MEOX2: variants seen among roughly 807,000 people sequenced by gnomAD.
MEOX2 encodes mesenchyme homeobox 2, also known as homeobox protein MOX-2.
A neutral mutation model predicts 27.0 loss-of-function variants in MEOX2; 11 were observed. The ratio of observed to expected loss-of-function variants is 0.41; its 90% CI spans 0.26 to 0.68. MEOX2 has a LOEUF of 0.68. MEOX2 is among the 30% of genes least tolerant of loss of function. MEOX2 has a pLI of 0.33. For missense variants in MEOX2, 436 were observed against 385.4 expected (o/e 1.13, Z -1.10); for synonymous variants, 189 against 155.4 (o/e 1.22, Z -1.61).
chr7:15,624,391 T>C (rs1433852485), intron 2 of MEOX2, among the ~76,000 whole-genome samples: 2 of 152,178 alleles, frequency 1.3e-5, no homozygotes, highest in African/African-American at 2.4e-5. Context: ...GATGCTGTGG[T>C]TAGATTATTT....
intron 1 of MEOX2, among the ~76,000 whole-genome samples, chr7:15,674,991 T>C (rs1782169250): frequency 3.0e-5 from 1 of 32,972 alleles, no homozygotes; most frequent in Admixed American, 3.1e-4. Context: ...TTCCTGGTGT[T>C]CTGCTTGTAG....
intron 1 of MEOX2, among the ~76,000 whole-genome samples, chr7:15,664,497 T>G (rs1214441671): frequency 6.6e-6 from 1 of 152,172 alleles, no homozygotes; most frequent in African/African-American, 2.4e-5. Flanking sequence ...CAACAAAAAC[T>G]CTCAGCAATA....
At chr7:15,638,145 C>A (rs73679847) in intron 1 of MEOX2, among the ~76,000 whole-genome samples, 3,543 of 152,090 alleles carry the variant, frequency 0.023, 142 homozygotes, top group African/African-American at 0.08. Context: ...CTTTCCACCC[C>A]TGTGTATTTT....
chr7:15,659,653 AG>A (rs1444521072), intron 1 of MEOX2, among the ~76,000 whole-genome samples: 1 of 147,176 alleles, frequency 6.8e-6, no homozygotes, highest in Non-Finnish European at 1.5e-5. Context: ...CCAGCTTCTC[AG>A]GGGGCTGAGG....
In MEOX2 at chr7:15,663,749, A is replaced by G. The variant is rs530454892; in HGVS notation, c.517+22137T>C. 5.9e-5 allele frequency among the ~76,000 whole-genome samples: 9 copies of G among 152,314 alleles called. No individual in the cohort carries two copies. In the East Asian group the frequency reaches 1.5e-3, roughly 26 times the overall value. ...GACTATTATAAATTAAATTAAACGC[A>G]CTGTGGCAGGCATTTAAAGAGAGAG... On this transcript the variant is annotated intron_variant, in intron 1 of 2. Coordinates refer to ENST00000262041, the MANE Select transcript of MEOX2 (RefSeq NM_005924.5).
chr7:15,662,578 A>G (rs1462979830), intron 1 of MEOX2, among the ~76,000 whole-genome samples: 1 of 152,034 alleles, frequency 6.6e-6, no homozygotes, highest in Non-Finnish European at 1.5e-5. Context: ...AGGCAATATA[A>G]TTTTTCAAGG....
intron 1 of MEOX2, chr7:15,681,380 A>G (rs535452219): frequency 6.6e-6 from 1 of 151,908 alleles, no homozygotes; most frequent in African/African-American, 2.4e-5. Context: ...CAAGCAAGGC[A>G]GCATTATCAG....
At chr7:15,621,066 A>G (rs1271077809) in intron 2 of MEOX2, among the ~76,000 whole-genome samples, 11 of 152,200 alleles carry the variant, frequency 7.2e-5, no homozygotes. Context: ...ATGGAGAAAA[A>G]AACGCCAGAA....
chr7:15,640,262 G>GTGT (rs1224429904), intron 1 of MEOX2, among the ~76,000 whole-genome samples: 1 of 151,696 alleles, frequency 6.6e-6, no homozygotes, highest in Non-Finnish European at 1.5e-5. Context: ...GTTTGTGTGT[G>GTGT]TGTGTGTGTG....
At chr7:15,665,112 G>T (rs572911608) in intron 1 of MEOX2, among the ~76,000 whole-genome samples, 34 of 149,672 alleles carry the variant, frequency 2.3e-4, no homozygotes, top group African/African-American at 7.9e-4. Flanking sequence ...TACAGTTCAG[G>T]GTTCCTTCTA....
intron 2 of MEOX2, among the ~76,000 whole-genome samples, chr7:15,617,533 A>T (rs1008140195): frequency 6.6e-6 from 1 of 152,088 alleles, no homozygotes; most frequent in African/African-American, 2.4e-5. Flanking sequence ...GGGGAAAAGA[A>T]AGCTTTTTTA....
At chr7:15,659,061 A>T (rs1781868012) in intron 1 of MEOX2, among the ~76,000 whole-genome samples, 1 of 152,142 alleles carries the variant, frequency 6.6e-6, no homozygotes, top group Admixed American at 6.5e-5. Context: ...GTGCAGTGGC[A>T]TGATTATGGC....
intron 1 of MEOX2, among the ~76,000 whole-genome samples, chr7:15,652,786 G>A (rs1781752870): frequency 6.6e-6 from 1 of 151,874 alleles, no homozygotes; most frequent in Non-Finnish European, 1.5e-5. Context: ...ATTCATCCAA[G>A]TTGCTATAAA....
intron 1 of MEOX2, among the ~76,000 whole-genome samples, chr7:15,675,714 T>C (rs983330332): frequency 6.6e-6 from 1 of 152,208 alleles, no homozygotes; most frequent in Non-Finnish European, 1.5e-5. Context: ...CAGGTTACAA[T>C]TCATTAAGAA....
chr7:15,631,733 C>A (rs183043150), intron 1 of MEOX2, among the ~76,000 whole-genome samples: 2 of 151,546 alleles, frequency 1.3e-5, no homozygotes, highest in Non-Finnish European at 3.0e-5. Context: ...TTATGCTGTA[C>A]AAAGCAATGA....
At chr7:15,617,647 C>A (rs563219083) in intron 2 of MEOX2, among the ~76,000 whole-genome samples, 1 of 152,108 alleles carries the variant, frequency 6.6e-6, no homozygotes, top group African/African-American at 2.4e-5. Context: ...GTTTCTACCA[C>A]AATTAAAGGG....
chr7:15,669,464 T>C (rs1782063082), intron 1 of MEOX2, among the ~76,000 whole-genome samples: 1 of 152,264 alleles, frequency 6.6e-6, no homozygotes, highest in East Asian at 1.9e-4. Context: ...TATCTTTGCC[T>C]AATGTGTAGC....
At chr7:15,613,458 T>C (rs142964122) in intron 2 of MEOX2, among the ~76,000 whole-genome samples, 3 of 151,876 alleles carry the variant, frequency 2.0e-5, no homozygotes, top group Admixed American at 1.3e-4. Context: ...ATAATTGGCA[T>C]TATTGCATCT....
chr7:15,626,701 C>A lies in MEOX2; in HGVS notation c.690+45G>T, dbSNP rs781491867. ...AATATGGCAAAGAAGACTGTGGACC[C>A]AGGGCAATTAAAAAAGATCATATAA... On this transcript the variant is annotated intron_variant, in intron 2 of 2. Transcript: ENST00000262041. 16 of 1,437,968 alleles carry A rather than the reference C, an allele frequency of 1.1e-5. No homozygotes were observed. The Admixed American group carries it at 1.9e-4, about 17-fold the overall frequency. The allele number at this position is 1,437,968 out of a possible 1,614,324, so 89.1% of individuals were successfully genotyped here.
Sources: allele counts gnomAD v4.1 joint callset (sites outside exome capture counted in the v4.1 genomes callset), GRCh38; gene constraint gnomAD v4.1.1; transcripts MANE v1.5; gene names NCBI Gene and HGNC (gene_info 2026-07-23, HGNC 2026-07-21).